The following CERKL variants were observed in gnomAD, a reference collection of about 807,000 sequenced individuals.
CERKL encodes CERK like autophagy regulator, also known as ceramide kinase-like protein.
Under a neutral mutation model 63.4 loss-of-function variants are expected in CERKL, and 61 were observed. That is an observed-to-expected ratio of 0.96 (90% CI 0.78 to 1.19). CERKL has a LOEUF of 1.19. Among genes scored for constraint, CERKL ranks in the 50% most tolerant of loss-of-function variants. The probability of loss-of-function intolerance (pLI) is 0.00; values close to 1 mark genes in which losing one functional copy is unlikely to be tolerated. For missense variants in CERKL, 675 were observed against 655.5 expected (o/e 1.03, Z -0.33); for synonymous variants, 250 against 230.5 (o/e 1.08, Z -0.77).
chr2:181,563,774 C>A (rs990653852), intron 4 of CERKL, among the ~76,000 whole-genome samples: 1 of 151,766 alleles, frequency 6.6e-6, no homozygotes, highest in Non-Finnish European at 1.5e-5. Flanking sequence ...AACTATGTTT[C>A]TATTATTCTC....
At chr2:181,549,768 G>T (rs1687906938) in intron 5 of CERKL, 60 bp from the exon 6 acceptor site, 1 of 1,095,786 alleles carries the variant, frequency 9.1e-7, no homozygotes, top group Non-Finnish European at 1.4e-6. Context: ...ACTAACATTT[G>T]CTTTTACTTT....
At chr2:181,640,365 G>A (rs1177961228) in intron 1 of CERKL, among the ~76,000 whole-genome samples, 1 of 152,104 alleles carries the variant, frequency 6.6e-6, no homozygotes, top group Non-Finnish European at 1.5e-5. Context: ...AAACTCACCT[G>A]CTCAGCATAT....
At position 181,656,982 on chromosome 2, in the gene CERKL, G is replaced by A. The variant is rs1297337463; in HGVS notation, c.25C>T (p.Arg9Trp). 1 of 1,581,350 alleles carries A rather than the reference G, an allele frequency of 6.3e-7. No homozygotes were observed. The highest frequency in any genetic ancestry group is 8.6e-7 in the Non-Finnish European group (1 of 1,167,852). ...CGGCCGCCCTCCAGGGCACTCACCC[G>A]GTTCCTGCGCCTCCTCCAGGGCATG... Reference protein sequence around the residue: MPWRRRRNRVSALEGGREE... With the variant: MPWRRRRNWVSALEGGREE... The change falls in exon 1 of 13, where the codon CGG becomes TGG. Residue 9 changes from arginine (R) to tryptophan (W), a missense_variant. Coordinates refer to ENST00000410087, the MANE Select transcript of CERKL (RefSeq NM_201548.5).
chr2:181,606,006 A>G (rs1427046450), intron 1 of CERKL, among the ~76,000 whole-genome samples: 1 of 151,868 alleles, frequency 6.6e-6, no homozygotes, highest in Admixed American at 6.6e-5. Flanking sequence ...ATACCACTAA[A>G]AAAAAGAAAG....
chr2:181,582,536 TG>T (rs1192682223), intron 2 of CERKL, among the ~76,000 whole-genome samples: 43 of 145,820 alleles, frequency 2.9e-4, no homozygotes, highest in East Asian at 9.9e-4. Flanking sequence ...TATATATATA[TG>T]TTTTTTTTTT....
rs1687282839 is a variant in CERKL at position 181,538,176 on chromosome 2, A to G, written c.*8T>C. ...AGTTTGTACATTTCTTTTAGAAACA[A>G]TTACATGTTACTTTGGAATCATTTC... On this transcript the variant is annotated 3_prime_UTR_variant, in exon 13 of 13. Transcript: ENST00000410087. 4 of 1,543,968 alleles carry G rather than the reference A, an allele frequency of 2.6e-6. No homozygotes were observed. Among genetic ancestry groups the G allele is most frequent in the Non-Finnish European group, 3.6e-6 (4 of 1,117,902 alleles).
chr2:181,650,078 GA>G, intron 1 of CERKL: 1 of 52,888 alleles, frequency 1.9e-5, no homozygotes, highest in Non-Finnish European at 3.5e-5. Flanking sequence ...AAGCAATACA[GA>G]AGGGAGGGAG....
intron 1 of CERKL, among the ~76,000 whole-genome samples, chr2:181,646,480 T>TA (rs751566972): frequency 1.3e-4 from 20 of 152,226 alleles, no homozygotes; most frequent in Non-Finnish European, 2.2e-4. Flanking sequence ...AGATCAGAGT[T>TA]AGTCTACGGA....
Position 181,566,105 on chromosome 2 carries a change from C to G in CERKL, c.630G>C (p.Gly210=). 6.2e-7 allele frequency: 1 copy of G among 1,610,606 alleles called. No individual in the cohort carries two copies. The highest frequency in any genetic ancestry group is 8.5e-7 in the Non-Finnish European group (1 of 1,177,258). ...KTDVTIMEYE[G]HALSLLKECE... is the part of the protein sequence containing the mutation. ...ATTCCTTAAGCAGTGACAGAGCGTG[C>G]CCTTCATATTCCATTACTATTAAAA... The change falls in exon 4 of 13, where the codon GGG becomes GGC. Residue 210 remains glycine (G), a synonymous_variant. Coordinates refer to ENST00000410087, the MANE Select transcript of CERKL (RefSeq NM_201548.5).
intron 3 of CERKL, among the ~76,000 whole-genome samples, chr2:181,571,473 T>C (rs1688899118): frequency 1.3e-5 from 2 of 152,168 alleles, no homozygotes; most frequent in South Asian, 4.1e-4. Context: ...TCAGGCCTTG[T>C]ATATCAGTTT....
chr2:181,598,126 T>C (rs1685298378), intron 2 of CERKL, among the ~76,000 whole-genome samples: 3 of 152,130 alleles, frequency 2.0e-5, no homozygotes, highest in African/African-American at 7.2e-5. Context: ...GTTTTCAAGA[T>C]GGCTCCACCC....
intron 10 of CERKL, among the ~76,000 whole-genome samples, chr2:181,545,443 T>A (rs929178832): frequency 6.6e-6 from 1 of 152,198 alleles, no homozygotes; most frequent in Non-Finnish European, 1.5e-5. Flanking sequence ...CATCAAGCTA[T>A]AGAATGCAGT....
chr2:181,603,418 AG>A (rs764534780), intron 2 of CERKL, among the ~76,000 whole-genome samples: 2 of 152,216 alleles, frequency 1.3e-5, no homozygotes, highest in African/African-American at 2.4e-5. Context: ...CTATGAGGCC[AG>A]TATTACCCTG....
chr2:181,596,363 G>C (rs936759056), intron 2 of CERKL, among the ~76,000 whole-genome samples: 2 of 152,076 alleles, frequency 1.3e-5, no homozygotes, highest in Non-Finnish European at 2.9e-5. Context: ...TGCCACCAGG[G>C]CCCGTGAGAA....
At position 181,609,870 on chromosome 2, in the gene CERKL, C is replaced by T. The variant is rs369846960; in HGVS notation, c.239-5791G>A. On this transcript the variant is annotated intron_variant, in intron 1 of 12. Transcript: ENST00000410087. Reference sequence around the variant, plus strand: ...TGTGATAATGGTGGCATCTAAGCGCCGCTAGAAATAGCAAAGGATGATTTA... The same window carrying T: ...TGTGATAATGGTGGCATCTAAGCGCTGCTAGAAATAGCAAAGGATGATTTA... Among the ~76,000 whole-genome samples, 28 of 152,032 alleles carry T rather than the reference C, an allele frequency of 1.8e-4. 1 individual carries two copies. In the East Asian group the frequency reaches 2.5e-3, roughly 14 times the overall value.
At chr2:181,538,570 A>G (rs1171602298) in intron 12 of CERKL, among the ~76,000 whole-genome samples, 1 of 152,186 alleles carries the variant, frequency 6.6e-6, no homozygotes, top group Non-Finnish European at 1.5e-5. Context: ...ATGCCTACCA[A>G]GAATGCGTTT....
chr2:181,586,888 C>T (rs527339636), intron 2 of CERKL, among the ~76,000 whole-genome samples: 1 of 152,236 alleles, frequency 6.6e-6, no homozygotes, highest in African/African-American at 2.4e-5. Context: ...AAGTTAAGAG[C>T]CCAGAACCTT....
At chr2:181,582,266 T>C (rs1279288971) in intron 2 of CERKL, among the ~76,000 whole-genome samples, 4 of 152,186 alleles carry the variant, frequency 2.6e-5, no homozygotes, top group African/African-American at 9.7e-5. Context: ...ATTTTTGTTG[T>C]ATCATGCAGA....
chr2:181,571,793 AAG>A lies in CERKL; in HGVS notation c.613+1958_613+1959del, dbSNP rs1381819170. On this transcript the variant is annotated intron_variant, in intron 3 of 12. Transcript: ENST00000410087. ...AGGGGATCTGTCCTCAGCCCCTGGGAAGAGTCTTGATGGTTAAATAAATGATT... is the reference window on the plus strand; with the variant it reads ...AGGGGATCTGTCCTCAGCCCCTGGGAAGTCTTGATGGTTAAATAAATGATT... 8.5e-5 allele frequency among the ~76,000 whole-genome samples: 13 copies of A among 152,240 alleles called. No individual in the cohort carries two copies. In the East Asian group the frequency reaches 2.3e-3, roughly 27 times the overall value.
Sources: gnomAD v4.1 joint callset for allele counts (sites outside exome capture counted in the v4.1 genomes callset) on GRCh38, gnomAD v4.1.1 for gene constraint, MANE v1.5 for transcripts, NCBI Gene and HGNC (gene_info 2026-07-23, HGNC 2026-07-21) for gene names.